Variants in C18orf63 observed in about 807,000 individuals in gnomAD.
C18orf63 encodes chromosome 18 open reading frame 63.
In C18orf63, 50 loss-of-function variants were observed where a neutral mutation model predicts 75.3. That is an observed-to-expected ratio of 0.66 (90% confidence interval 0.53 to 0.84). The LOEUF is 0.84. C18orf63 is among the 40% of genes least tolerant of loss of function. The probability of loss-of-function intolerance (pLI) is 0.00; values close to 1 mark genes in which losing one functional copy is unlikely to be tolerated. For missense variants in C18orf63, 732 were observed against 800.2 expected (o/e 0.91, Z 1.03); for synonymous variants, 232 against 267.6 (o/e 0.87, Z 1.30).
At chr18:74,345,260 T>C (rs1280398087) in intron 11 of C18orf63, among the ~76,000 whole-genome samples, 1 of 152,160 alleles carries the variant, frequency 6.6e-6, no homozygotes, top group Non-Finnish European at 1.5e-5. Flanking sequence ...TACGTATTTT[T>C]AACATAAGCC....
At chr18:74,323,455 A>G (rs1026251381) in intron 4 of C18orf63, among the ~76,000 whole-genome samples, 2 of 152,234 alleles carry the variant, frequency 1.3e-5, no homozygotes, top group African/African-American at 4.8e-5. Flanking sequence ...GGTTCCAGCC[A>G]TCAGTTACAA....
At chr18:74,335,132 A>G (rs779467182) in intron 7 of C18orf63, among the ~76,000 whole-genome samples, 1 of 152,138 alleles carries the variant, frequency 6.6e-6, no homozygotes, top group Non-Finnish European at 1.5e-5. Flanking sequence ...GTGTCTTATT[A>G]ATCTTTCTAT....
chr18:74,327,408 T>C (rs967003327), intron 4 of C18orf63, among the ~76,000 whole-genome samples: 7 of 152,192 alleles, frequency 4.6e-5, no homozygotes, highest in African/African-American at 1.7e-4. Context: ...GCTTAGAAGG[T>C]GTATAAGCTC....
chr18:74,331,809 C>G (rs769211871), intron 7 of C18orf63, among the ~76,000 whole-genome samples: 1 of 152,086 alleles, frequency 6.6e-6, no homozygotes, highest in African/African-American at 2.4e-5. Flanking sequence ...ATTTAAGGGC[C>G]AACTCAAATG....
At position 74,332,763 on chromosome 18, in the gene C18orf63, G is replaced by A. The variant is rs927073948; in HGVS notation, c.501+1821G>A. Among the ~76,000 whole-genome samples the A allele has an allele frequency of 7.9e-5, 12 of 151,016 alleles. 1 individual carries two copies. Among genetic ancestry groups the A allele is most frequent in the Admixed American group, 4.6e-4 (7 of 15,164 alleles). Reference sequence around the variant, plus strand: ...CATCTCTCAATACTGCCACATTGGGGATTAAATTCCAAAATGAGTTTTGGA... The same window carrying A: ...CATCTCTCAATACTGCCACATTGGGAATTAAATTCCAAAATGAGTTTTGGA... On this transcript the variant is annotated intron_variant, in intron 7 of 13. Transcript: ENST00000579455.
chr18:74,333,255 T>C (rs1169267659), intron 7 of C18orf63, among the ~76,000 whole-genome samples: 1 of 152,154 alleles, frequency 6.6e-6, no homozygotes, highest in Non-Finnish European at 1.5e-5. Context: ...CAGGCACTCG[T>C]TCTGATATGA....
intron 4 of C18orf63, among the ~76,000 whole-genome samples, chr18:74,324,718 T>C (rs1053626306): frequency 1.3e-5 from 2 of 152,344 alleles, no homozygotes; most frequent in Middle Eastern, 3.4e-3. Flanking sequence ...CCTATATTTT[T>C]CCTCCACCTT....
chr18:74,342,429 C>G, intron 10 of C18orf63, 103 bp downstream of exon 10: 1 of 674,702 alleles, frequency 1.5e-6, no homozygotes. Flanking sequence ...TTCTCTGTGT[C>G]TAACTGAAAC....
At chr18:74,347,557 G>T (rs1460293537) in intron 11 of C18orf63, among the ~76,000 whole-genome samples, 4 of 152,160 alleles carry the variant, frequency 2.6e-5, no homozygotes, top group Middle Eastern at 6.3e-3. Context: ...TTTGAAGGGG[G>T]TCATGTCTTT....
chr18:74,330,526 A>G (rs1292749993), intron 6 of C18orf63, among the ~76,000 whole-genome samples: 3 of 152,132 alleles, frequency 2.0e-5, no homozygotes, highest in African/African-American at 2.4e-5. Context: ...GAAGAGGACA[A>G]TCTCCATATT....
intron 4 of C18orf63, among the ~76,000 whole-genome samples, chr18:74,326,487 C>T (rs574678026): frequency 6.6e-5 from 10 of 152,244 alleles, no homozygotes; most frequent in African/African-American, 2.2e-4. Flanking sequence ...CTCTGTTGAC[C>T]TCCAGAGTTT....
intron 4 of C18orf63, among the ~76,000 whole-genome samples, chr18:74,324,446 T>C (rs1008779486): frequency 6.6e-6 from 1 of 152,168 alleles, no homozygotes; most frequent in African/African-American, 2.4e-5. Context: ...AACTATGCCA[T>C]AGGAACTTTT....
chr18:74,345,980 A>AGAGG (rs1984567805), intron 11 of C18orf63, among the ~76,000 whole-genome samples: 1 of 151,424 alleles, frequency 6.6e-6, no homozygotes, highest in African/African-American at 2.4e-5. Context: ...ACACACATAG[A>AGAGG]GACAGAGAGA....
intron 7 of C18orf63, among the ~76,000 whole-genome samples, chr18:74,332,437 G>A (rs1458603005): frequency 6.6e-6 from 1 of 152,148 alleles, no homozygotes; most frequent in East Asian, 1.9e-4. Flanking sequence ...CAGCACGGTG[G>A]CTCACACCTG....
At chr18:74,346,019 T>C (rs1026503829) in intron 11 of C18orf63, among the ~76,000 whole-genome samples, 2 of 152,006 alleles carry the variant, frequency 1.3e-5, no homozygotes, top group Admixed American at 6.6e-5. Flanking sequence ...GGGAATTTCA[T>C]TGAGTCTTAC....
chr18:74,343,793 C>T (rs1426170380), intron 11 of C18orf63, 91 bp downstream of exon 11: 17 of 695,208 alleles, frequency 2.4e-5, no homozygotes, highest in Middle Eastern at 4.1e-4. Context: ...GAACACCCAA[C>T]GCAGTGTGCA....
intron 8 of C18orf63, among the ~76,000 whole-genome samples, chr18:74,341,154 CT>C (rs1028934470): frequency 6.0e-5 from 9 of 151,124 alleles, no homozygotes; most frequent in African/African-American, 1.2e-4. Context: ...GTCCCAGCTA[CT>C]TGGGAGGCTG....
At chr18:74,354,973 C>T (rs1454138549) in intron 13 of C18orf63, among the ~76,000 whole-genome samples, 2 of 152,228 alleles carry the variant, frequency 1.3e-5, no homozygotes, top group Non-Finnish European at 2.9e-5. Context: ...AAAAGTGCTA[C>T]AGTGCTGGCT....
At chr18:74,343,752 A>G (rs1984526946) in intron 11 of C18orf63, 50 bp downstream of exon 11, 1 of 1,215,694 alleles carries the variant, frequency 8.2e-7, no homozygotes, top group Non-Finnish European at 1.1e-6. Flanking sequence ...CTATCCATCT[A>G]TTTTACTTGA....
Sources: allele counts gnomAD v4.1 joint callset (sites outside exome capture counted in the v4.1 genomes callset), GRCh38; gene constraint gnomAD v4.1.1; transcripts MANE v1.5; gene names NCBI Gene and HGNC (gene_info 2026-07-23, HGNC 2026-07-21).